TMLHE: variants seen among roughly 807,000 people sequenced by gnomAD.
TMLHE encodes the protein trimethyllysine dioxygenase, mitochondrial.
TMLHE carries 18 observed loss-of-function variants against 25.7 expected under a neutral mutation model. That is an observed-to-expected ratio of 0.70 (90% CI 0.48 to 1.04). The LOEUF is 1.04. Ranked by LOEUF, TMLHE falls within the 50% of genes least tolerant of loss-of-function variation. The probability of loss-of-function intolerance (pLI) is 0.00; values close to 1 mark genes in which losing one functional copy is unlikely to be tolerated. For missense variants in TMLHE, 236 were observed against 259.0 expected (o/e 0.91, Z 0.61); for synonymous variants, 105 against 97.0 (o/e 1.08, Z -0.49).
At chrX:155,522,163 G>A (rs1557335850) in intron 3 of TMLHE, among the ~76,000 whole-genome samples, 1 of 112,043 alleles carries the variant, frequency 8.9e-6, no homozygotes, top group Non-Finnish European at 1.9e-5. Context: ...CCTTTCTATG[G>A]CATTTTTTTT....
chrX:155,515,690 A>G, intron 3 of TMLHE, among the ~76,000 whole-genome samples: 1 of 111,579 alleles, frequency 9.0e-6, no homozygotes. Flanking sequence ...GCTATCTTGT[A>G]ATAATTTTAA....
chrX:155,544,917 AG>A lies in TMLHE; in HGVS notation c.181+178del, dbSNP rs3214821. Reference sequence around the variant, plus strand: ...AAAAAGTATTTTCAGACCACACAAAAGGTATTTATCATTGCATAACAATGTG... The same window carrying A: ...AAAAAGTATTTTCAGACCACACAAAAGTATTTATCATTGCATAACAATGTG... On this transcript the variant is annotated intron_variant, in intron 2 of 7. Transcript: ENST00000334398. Among the ~76,000 whole-genome samples the A allele has an allele frequency of 1.6e-4, 18 of 112,199 alleles. No individual in the cohort carries two copies. The East Asian group carries it at 5.0e-3, about 31-fold the overall frequency.
intron 1 of TMLHE, among the ~76,000 whole-genome samples, chrX:155,594,182 G>T (rs1388345674): frequency 1.8e-5 from 2 of 111,504 alleles, no homozygotes; most frequent in African/African-American, 6.5e-5. Context: ...AGTTCTGAAA[G>T]CATCAAGATA....
intron 2 of TMLHE, among the ~76,000 whole-genome samples, chrX:155,542,375 A>G: frequency 9.0e-6 from 1 of 111,702 alleles, no homozygotes; most frequent in South Asian, 3.7e-4. Flanking sequence ...GTACAAATAA[A>G]TGAAAAGGCA....
chrX:155,596,063 G>A (rs1181493504), intron 1 of TMLHE, among the ~76,000 whole-genome samples: 2 of 112,110 alleles, frequency 1.8e-5, no homozygotes, highest in Non-Finnish European at 3.8e-5. Context: ...TAGTAAGGAA[G>A]AGAAGTGAAT....
At chrX:155,547,543 G>C (rs1273780634) in intron 1 of TMLHE, among the ~76,000 whole-genome samples, 1 of 111,540 alleles carries the variant, frequency 9.0e-6, no homozygotes, top group Non-Finnish European at 1.9e-5. Flanking sequence ...AGAAAGACAA[G>C]TACAGGGTGA....
At chrX:155,599,007 C>A (rs1339912306) in intron 1 of TMLHE, among the ~76,000 whole-genome samples, 1 of 111,396 alleles carries the variant, frequency 9.0e-6, no homozygotes, top group Non-Finnish European at 1.9e-5. Flanking sequence ...AGGTCAACCC[C>A]TCCTAGTCCT....
At chrX:155,555,961 A>G (rs2067451210) in intron 1 of TMLHE, among the ~76,000 whole-genome samples, 1 of 109,832 alleles carries the variant, frequency 9.1e-6, no homozygotes, top group Non-Finnish European at 1.9e-5. Flanking sequence ...TATGTCCTGA[A>G]TGGTATTGCC....
intron 2 of TMLHE, among the ~76,000 whole-genome samples, chrX:155,530,311 C>G (rs1444221882): frequency 2.7e-5 from 3 of 110,787 alleles, no homozygotes; most frequent in Non-Finnish European, 5.7e-5. Context: ...GTGAAATAAA[C>G]CAGATACAGA....
intron 1 of TMLHE, among the ~76,000 whole-genome samples, chrX:155,598,216 A>C (rs1157430056): frequency 3.6e-5 from 4 of 111,642 alleles, no homozygotes; most frequent in African/African-American, 1.3e-4. Flanking sequence ...AAGAAGATGT[A>C]GATGAAGCAG....
At chrX:155,587,427 TAAAAGCCTTA>T (rs1341518144) in intron 1 of TMLHE, among the ~76,000 whole-genome samples, 1 of 111,467 alleles carries the variant, frequency 9.0e-6, no homozygotes, top group East Asian at 2.8e-4. Flanking sequence ...GGAAAAAAGC[TAAAAGCCTTA>T]CCTCTAAGAA....
chrX:155,535,723 C>T (rs1557337546), intron 2 of TMLHE, among the ~76,000 whole-genome samples: 1 of 111,693 alleles, frequency 9.0e-6, no homozygotes, highest in Non-Finnish European at 1.9e-5. Context: ...GCATTTGAAA[C>T]CTAACTAACC....
In TMLHE at chrX:155,546,044, C is replaced by T. The variant is rs782810875; in HGVS notation, c.-1-767G>A. On this transcript the variant is annotated intron_variant, in intron 1 of 7. Transcript: ENST00000334398. ...CCCTATTCCGACTATGTGAAACTTT[C>T]TTCTCCGCTGGTTATGTGTGCTGTG... is the stretch of plus-strand genomic sequence containing the variant. Among the ~76,000 whole-genome samples the T allele has an allele frequency of 1.0e-4, 11 of 110,547 alleles. No homozygotes were observed. The East Asian group carries it at 2.0e-3, about 20-fold the overall frequency.
intron 1 of TMLHE, among the ~76,000 whole-genome samples, chrX:155,599,681 TTTA>T (rs1401928783): frequency 3.6e-5 from 4 of 111,939 alleles, no homozygotes; most frequent in African/African-American, 1.3e-4. Context: ...TTTCCATTTA[TTTA>T]TTGATAGTGA....
chrX:155,506,450 A>G (rs2067076622), intron 6 of TMLHE, among the ~76,000 whole-genome samples: 1 of 111,318 alleles, frequency 9.0e-6, no homozygotes, highest in Non-Finnish European at 1.9e-5. Context: ...TAGGTTTAAA[A>G]TGAGTAGAAG....
intron 1 of TMLHE, among the ~76,000 whole-genome samples, chrX:155,596,235 C>T (rs949190794): frequency 1.8e-5 from 2 of 112,006 alleles, no homozygotes; most frequent in African/African-American, 6.5e-5. Context: ...TACAACAAAG[C>T]CTGGACAACA....
In TMLHE at chrX:155,567,216, G is replaced by A. The variant is rs782810367; in HGVS notation, c.-1-21939C>T. ...CAGCAACTGCATATGGGCCAACTTC[G>A]ATATCTTTATGGTTACTACAAAGAA... On this transcript the variant is annotated intron_variant, in intron 1 of 7. Transcript: ENST00000334398. Among the ~76,000 whole-genome samples, 197 of 62,854 alleles carry A rather than the reference G, an allele frequency of 3.1e-3. 20 individuals carry two copies. Among genetic ancestry groups the A allele is most frequent in the African/African-American group, 6.7e-3 (191 of 28,375 alleles). The allele number at this position is 62,854 out of a possible 115,157, so 54.6% of individuals were successfully genotyped here. A position where few individuals can be genotyped will look rare whatever the true frequency, so the allele number is the denominator to read the frequency against.
intron 1 of TMLHE, among the ~76,000 whole-genome samples, chrX:155,551,214 CT>C (rs1177508444): frequency 9.1e-6 from 1 of 109,634 alleles, no homozygotes; most frequent in African/African-American, 3.4e-5. Flanking sequence ...CATGTATTTT[CT>C]TTTTTTTTAT....
chrX:155,547,799 C>G (rs782397758), intron 1 of TMLHE, among the ~76,000 whole-genome samples: 4 of 110,423 alleles, frequency 3.6e-5, no homozygotes, highest in Non-Finnish European at 5.7e-5. Context: ...AAGTAAAAGC[C>G]TCTTTCTTTC....
Sources: gnomAD v4.1 joint callset for allele counts (sites outside exome capture counted in the v4.1 genomes callset) on GRCh38, gnomAD v4.1.1 for gene constraint, MANE v1.5 for transcripts, NCBI Gene and HGNC (gene_info 2026-07-23, HGNC 2026-07-21) for gene names.